Variants in FBLN2 observed in about 807,000 individuals in gnomAD.
The protein encoded by FBLN2 is fibulin 2.
A neutral mutation model predicts 123.7 loss-of-function variants in FBLN2; 81 were observed. The observed-to-expected ratio is 0.65, with a 90% CI of 0.55 to 0.79. The LOEUF (loss-of-function observed/expected upper bound fraction) is 0.79, where lower values mean the gene tolerates loss of function less well. FBLN2 is among the 30% of genes least tolerant of loss of function. The pLI is 0.00. For missense variants in FBLN2, 1,603 were observed against 1,681.3 expected, an observed-to-expected ratio of 0.95 and a Z score of 0.81; for synonymous variants, 699 against 701.4, an observed-to-expected ratio of 1.00 and a Z score of 0.05.
At chr3:13,609,688 G>GGGGCC in intron 4 of FBLN2, 46 bp downstream of exon 4, 6 of 512,602 alleles carry the variant, frequency 1.2e-5, no homozygotes, top group Non-Finnish European at 2.2e-5. Context: ...GTGGGGCGGG[G>GGGGCC]CGGGAGGCTG....
chr3:13,600,592 C>T (rs991895823), intron 2 of FBLN2, among the ~76,000 whole-genome samples: 3 of 149,868 alleles, frequency 2.0e-5, no homozygotes, highest in Non-Finnish European at 4.4e-5. Flanking sequence ...TTGAAGCTTG[C>T]GACTTCTTTT....
At chr3:13,606,244 C>T (rs1705199543) in intron 2 of FBLN2, among the ~76,000 whole-genome samples, 1 of 152,176 alleles carries the variant, frequency 6.6e-6, no homozygotes, top group Non-Finnish European at 1.5e-5. Context: ...TGTTAATTTT[C>T]AGGAGTTTAT....
intron 2 of FBLN2, among the ~76,000 whole-genome samples, chr3:13,574,590 C>T (rs1054697565): frequency 6.6e-6 from 1 of 152,170 alleles, no homozygotes; most frequent in African/African-American, 2.4e-5. Context: ...ACCCCCAGCC[C>T]AGCCAGGCCT....
At chr3:13,599,577 G>A (rs1469906616) in intron 2 of FBLN2, among the ~76,000 whole-genome samples, 6 of 151,990 alleles carry the variant, frequency 3.9e-5, no homozygotes, top group African/African-American at 1.5e-4. Flanking sequence ...AGCCCTGTGG[G>A]TGATGGGCTG....
At chr3:13,584,005 C>T (rs1410777645) in intron 2 of FBLN2, among the ~76,000 whole-genome samples, 1 of 152,198 alleles carries the variant, frequency 6.6e-6, no homozygotes, top group Non-Finnish European at 1.5e-5. Flanking sequence ...AGAAGCAGCA[C>T]TAGAAGTCTG....
intron 8 of FBLN2, among the ~76,000 whole-genome samples, chr3:13,620,897 T>C (rs3773267): frequency 0.094 from 14,259 of 152,216 alleles, 1,294 homozygotes; most frequent in African/African-American, 0.24. Context: ...TTGCCCAGGG[T>C]ACATGACGTG....
At chr3:13,599,174 G>A (rs1181862003) in intron 2 of FBLN2, among the ~76,000 whole-genome samples, 1 of 152,206 alleles carries the variant, frequency 6.6e-6, no homozygotes, top group Admixed American at 6.5e-5. Context: ...GAAGGCCAGG[G>A]CATTGTGAGG....
chr3:13,568,636 G>T, intron 1 of FBLN2: 2 of 350,056 alleles, frequency 5.7e-6, no homozygotes, highest in South Asian at 1.2e-4. Flanking sequence ...TCAGCCCCTT[G>T]GCCCTGCCAC....
intron 2 of FBLN2, among the ~76,000 whole-genome samples, chr3:13,580,809 C>G (rs1704300270): frequency 6.6e-6 from 1 of 152,232 alleles, no homozygotes; most frequent in African/African-American, 2.4e-5. Context: ...GCAACCACAG[C>G]TCCTCCGTAG....
chr3:13,630,240 TGAGGCATCC>T (rs1170296787), intron 14 of FBLN2, among the ~76,000 whole-genome samples: 2 of 152,216 alleles, frequency 1.3e-5, no homozygotes, highest in African/African-American at 4.8e-5. Flanking sequence ...ATAGGGTATC[TGAGGCATCC>T]AAGGTCCGTG....
At chr3:13,591,672 A>T (rs1704680183) in intron 2 of FBLN2, among the ~76,000 whole-genome samples, 2 of 152,084 alleles carry the variant, frequency 1.3e-5, no homozygotes, top group Admixed American at 1.3e-4. Context: ...CCTTGTAGTA[A>T]TTTTTAGTAT....
In FBLN2 at chr3:13,614,013, C is replaced by T. The variant is rs762249799; in HGVS notation, c.1578C>T (p.Leu526=). 3 of 1,613,090 alleles carry T rather than the reference C, an allele frequency of 1.9e-6. No homozygotes were observed. The highest frequency in any genetic ancestry group is 2.5e-6 in the Non-Finnish European group (3 of 1,179,850). ...GCTGTGACTGCTGTGGCCTGGGCCT[C>T]CGCGTGCGGGCCGAGGGCCAGTCGT... ...KQCCDCCGLG[L]RVRAEGQSCE... Residue 526 remains leucine (L), a synonymous_variant, in exon 5 of 18, where the codon CTC becomes CTT. Coordinates refer to ENST00000404922, the MANE Select transcript of FBLN2 (RefSeq NM_001004019.2).
Position 13,571,603 on chromosome 3 carries a change from C to G in FBLN2, c.1248C>G (p.His416Gln). 6.2e-7 allele frequency: 1 copy of G among 1,612,508 alleles called. No homozygotes were observed. The highest frequency in any genetic ancestry group is 8.5e-7 in the Non-Finnish European group (1 of 1,179,240). Residue 416 changes from histidine (H) to glutamine (Q), a missense_variant, in exon 2 of 18, where the codon CAC (histidine) becomes CAG (glutamine). His to Gln is a conservative substitution (Grantham distance 24). Coordinates refer to ENST00000404922, the MANE Select transcript of FBLN2 (RefSeq NM_001004019.2). ...PRKPQVLPHS[H>Q]VEEDTDPNSV... Reference sequence around the variant, plus strand: ...AGCCGCAAGTTCTGCCCCATTCCCACGTGGAGGAGGACACAGACCCCAACT... The same window carrying G: ...AGCCGCAAGTTCTGCCCCATTCCCAGGTGGAGGAGGACACAGACCCCAACT...
chr3:13,611,271 A>G (rs1574981571), intron 4 of FBLN2, among the ~76,000 whole-genome samples: 1 of 152,184 alleles, frequency 6.6e-6, no homozygotes, highest in South Asian at 2.1e-4. Context: ...TCATGGTGAA[A>G]TACACATGAT....
intron 7 of FBLN2, 124 bp from the exon 8 acceptor site, chr3:13,619,606 C>T: frequency 1.4e-6 from 1 of 736,060 alleles, no homozygotes; most frequent in East Asian, 2.9e-5. Flanking sequence ...CTCCCAGCAT[C>T]CCTGCCTTCT....
At chr3:13,625,093 CTG>C (rs1705988870) in intron 9 of FBLN2, among the ~76,000 whole-genome samples, 2 of 150,636 alleles carry the variant, frequency 1.3e-5, no homozygotes, top group African/African-American at 4.9e-5. Context: ...CCTCTGTGGC[CTG>C]GGGTGGTTTC....
chr3:13,599,752 T>C (rs572677704), intron 2 of FBLN2, among the ~76,000 whole-genome samples: 74 of 151,544 alleles, frequency 4.9e-4, no homozygotes, highest in African/African-American at 1.7e-3. Flanking sequence ...AGGGCCTTTG[T>C]TGACACAGGA....
chr3:13,637,878 C>T lies in FBLN2; in HGVS notation c.3655C>T (p.Leu1219=). ...GAGGCAGGGCTCCGTCACCACCTTCCTGGCCAAGATGCACATCTTCTTCAC... is the reference window on the plus strand; with the variant it reads ...GAGGCAGGGCTCCGTCACCACCTTCTTGGCCAAGATGCACATCTTCTTCAC... ...LWRQGSVTTF[L]AKMHIFFTTF... is the part of the protein sequence containing the mutation. Residue 1219 remains leucine (L), a synonymous_variant, in exon 18 of 18, where the codon CTG becomes TTG. Transcript: ENST00000404922. The T allele has an allele frequency of 6.2e-7, 1 of 1,606,100 alleles. No individual in the cohort carries two copies. The highest frequency in any genetic ancestry group is 1.1e-5 in the South Asian group (1 of 90,358).
intron 1 of FBLN2, among the ~76,000 whole-genome samples, chr3:13,569,656 C>T (rs532806897): frequency 3.3e-5 from 5 of 151,902 alleles, no homozygotes; most frequent in East Asian, 1.9e-4. Context: ...CCTGCAGTCC[C>T]GAGGGTCTCA....
Sources: gnomAD v4.1 joint callset for allele counts (sites outside exome capture counted in the v4.1 genomes callset) on GRCh38, gnomAD v4.1.1 for gene constraint, MANE v1.5 for transcripts, NCBI Gene and HGNC (gene_info 2026-07-23, HGNC 2026-07-21) for gene names.